The following C14orf132 variants were observed in gnomAD, a reference collection of about 807,000 sequenced individuals.
C14orf132 encodes the protein uncharacterized protein C14orf132.
Under a neutral mutation model 5.8 loss-of-function variants are expected in C14orf132, and 6 were observed. That is an observed-to-expected ratio of 1.03 (90% CI 0.57 to 2.04). The LOEUF (loss-of-function observed/expected upper bound fraction) is 2.04, where lower values mean the gene tolerates loss of function less well. C14orf132 is among the 30% of genes most tolerant of loss of function. The pLI is 0.00. For synonymous variants in C14orf132, 51 were observed against 49.8 expected (o/e 1.02, Z -0.10); for missense variants, 125 against 115.8 (o/e 1.08, Z -0.37).
intron 1 of C14orf132, chr14:96,040,484 T>G (rs184502145): frequency 2.1e-5 from 8 of 387,790 alleles, no homozygotes; most frequent in Admixed American, 4.5e-5. Context: ...CCAGGGTGTG[T>G]GGCAGGGACC....
At chr14:96,060,437 T>C (rs12435820) in intron 1 of C14orf132, among the ~76,000 whole-genome samples, 92,588 of 152,082 alleles carry the variant, frequency 0.61, 28,989 homozygotes, top group East Asian at 0.89. Context: ...TGAGCTGCGA[T>C]GTGCTTTATG....
At chr14:96,082,993 C>T (rs1478446078) in intron 1 of C14orf132, among the ~76,000 whole-genome samples, 1 of 152,164 alleles carries the variant, frequency 6.6e-6, no homozygotes, top group Non-Finnish European at 1.5e-5. Context: ...CAGAACCCAC[C>T]CTCATTTCCC....
At chr14:96,046,306 T>G (rs1312464085) in intron 1 of C14orf132, among the ~76,000 whole-genome samples, 1 of 152,212 alleles carries the variant, frequency 6.6e-6, no homozygotes, top group Non-Finnish European at 1.5e-5. Context: ...TGGCTACTAC[T>G]TGAACCAAAC....
intron 1 of C14orf132, among the ~76,000 whole-genome samples, chr14:96,068,017 G>A (rs942369007): frequency 6.6e-6 from 1 of 152,136 alleles, no homozygotes; most frequent in African/African-American, 2.4e-5. Flanking sequence ...CCCATATCTG[G>A]CATATAGCGG....
chr14:96,067,288 G>A (rs976586541), intron 1 of C14orf132, among the ~76,000 whole-genome samples: 1 of 152,182 alleles, frequency 6.6e-6, no homozygotes. Context: ...AGGAAAGCCA[G>A]TGTGGCCACT....
chr14:96,074,358 T>C (rs1180688150), intron 1 of C14orf132, among the ~76,000 whole-genome samples: 1 of 152,210 alleles, frequency 6.6e-6, no homozygotes, highest in East Asian at 1.9e-4. Flanking sequence ...GAGAAAATGT[T>C]TTTAATTTTA....
At chr14:96,068,449 T>C (rs1887600406) in intron 1 of C14orf132, among the ~76,000 whole-genome samples, 1 of 152,158 alleles carries the variant, frequency 6.6e-6, no homozygotes, top group African/African-American at 2.4e-5. Flanking sequence ...TCGTGGGCGC[T>C]GATTCCAGCC....
At chr14:96,044,371 G>C (rs531669017) in intron 1 of C14orf132, among the ~76,000 whole-genome samples, 58 of 152,242 alleles carry the variant, frequency 3.8e-4, no homozygotes, top group African/African-American at 1.3e-3. Flanking sequence ...GTAGAAATGA[G>C]GTCTCATTAT....
chr14:96,085,799 A>G (rs1396659556), intron 1 of C14orf132, among the ~76,000 whole-genome samples: 6 of 152,238 alleles, frequency 3.9e-5, no homozygotes, highest in Non-Finnish European at 7.3e-5. Context: ...TCATAGGAAA[A>G]GTGGAAATTG....
intron 1 of C14orf132, among the ~76,000 whole-genome samples, chr14:96,065,252 G>A (rs1255105418): frequency 6.6e-6 from 1 of 152,236 alleles, no homozygotes. Context: ...GTTCCCCTGA[G>A]AGCTACATTG....
rs1302905288 is a variant in C14orf132 at position 96,089,593 on chromosome 14, C to T, written c.*2858C>T. 1 of 152,334 alleles carries T rather than the reference C, an allele frequency of 6.6e-6. No homozygotes were observed. The highest frequency in any genetic ancestry group is 1.5e-5 in the Non-Finnish European group (1 of 68,152). 9.4% of individuals were successfully genotyped at this position (152,334 alleles called of 1,614,324 possible). ...CGTCATGGTGTGGCCTGGGCCAGCT[C>T]TGGCTTCCACAGGTCCCTGACTGTC... On this transcript the variant is annotated 3_prime_UTR_variant, in exon 2 of 2. Transcript: ENST00000555004.
At chr14:96,065,623 T>TTC (rs1555385160) in intron 1 of C14orf132, among the ~76,000 whole-genome samples, 2 of 151,580 alleles carry the variant, frequency 1.3e-5, no homozygotes, top group Non-Finnish European at 2.9e-5. Flanking sequence ...ATAGTTTTTT[T>TTC]CTTGGTACCT....
intron 1 of C14orf132, among the ~76,000 whole-genome samples, chr14:96,062,067 G>A (rs1271764506): frequency 1.3e-5 from 2 of 152,116 alleles, no homozygotes; most frequent in East Asian, 3.8e-4. Context: ...AACTTTCTGA[G>A]GATAAACCCT....
chr14:96,043,738 G>A (rs1216678787), intron 1 of C14orf132, among the ~76,000 whole-genome samples: 1 of 152,174 alleles, frequency 6.6e-6, no homozygotes, highest in African/African-American at 2.4e-5. Flanking sequence ...CTCCCTGGAT[G>A]AAACAGATCC....
intron 1 of C14orf132, among the ~76,000 whole-genome samples, chr14:96,042,430 C>A (rs1422388076): frequency 2.6e-5 from 4 of 152,178 alleles, no homozygotes; most frequent in African/African-American, 9.7e-5. Context: ...AGGATAGAAG[C>A]TGGAGGGATT....
intron 1 of C14orf132, among the ~76,000 whole-genome samples, chr14:96,078,735 G>A (rs565763703): frequency 4.6e-5 from 7 of 152,116 alleles, no homozygotes; most frequent in Non-Finnish European, 5.9e-5. Context: ...ACCCCTTCAG[G>A]TACCACCCAT....
chr14:96,039,642 C>T lies in C14orf132; in HGVS notation c.27+115C>T, dbSNP rs1886629495. 1 of 1,139,968 alleles carries T rather than the reference C, an allele frequency of 8.8e-7. No homozygotes were observed. Among genetic ancestry groups the T allele is most frequent in the Non-Finnish European group, 1.2e-6 (1 of 859,472 alleles). 70.6% of individuals were successfully genotyped at this position (1,139,968 alleles called of 1,614,324 possible). ...GTGGCGCCCGCCCGCGATCCGCGTC[C>T]CGGTCCTTTGTCCCGAGCCGGACAC... is the stretch of plus-strand genomic sequence containing the variant. On this transcript the variant is annotated intron_variant, in intron 1 of 1. Coordinates refer to ENST00000555004, the MANE Select transcript of C14orf132 (RefSeq NM_001252507.3). The surrounding 1 kb of genome is among the most constrained non-coding windows in gnomAD (Gnocchi z 5.3).
At chr14:96,079,962 G>A (rs1201385867) in intron 1 of C14orf132, among the ~76,000 whole-genome samples, 1 of 152,190 alleles carries the variant, frequency 6.6e-6, no homozygotes, top group African/African-American at 2.4e-5. Flanking sequence ...GATAAGTATA[G>A]GCTGTGTGAT....
chr14:96,046,213 G>A (rs557997340), intron 1 of C14orf132, among the ~76,000 whole-genome samples: 2 of 152,302 alleles, frequency 1.3e-5, no homozygotes, highest in East Asian at 3.9e-4. Context: ...GATTTAAAGG[G>A]AGGGGAGTCG....
Sources: gnomAD v4.1 joint callset for allele counts (sites outside exome capture counted in the v4.1 genomes callset) on GRCh38, gnomAD v4.1.1 for gene constraint, Gnocchi (gnomAD v3.1) non-coding constraint, MANE v1.5 for transcripts, NCBI Gene and HGNC (gene_info 2026-07-23, HGNC 2026-07-21) for gene names.